The following INTS4 variants were observed in gnomAD, a reference collection of about 807,000 sequenced individuals.
INTS4 encodes MSTP093.
Under a neutral mutation model 119.5 loss-of-function variants are expected in INTS4, and 70 were observed. The ratio of observed to expected loss-of-function variants is 0.59; its 90% confidence interval spans 0.48 to 0.71. The LOEUF is 0.71. Among genes scored for constraint, INTS4 ranks in the 30% least tolerant of loss-of-function variants. The probability of loss-of-function intolerance (pLI) is 0.00; values close to 1 mark genes in which losing one functional copy is unlikely to be tolerated. For missense variants in INTS4, 867 were observed against 1,173.2 expected (o/e 0.74, Z 3.81); for synonymous variants, 316 against 419.6 (o/e 0.75, Z 3.02).
At chr11:77,917,163 T>C in intron 15 of INTS4, among the ~76,000 whole-genome samples, 1 of 152,160 alleles carries the variant, frequency 6.6e-6, no homozygotes, top group African/African-American at 2.4e-5. Context: ...CTAGCTGATC[T>C]GTATCTAGCA....
rs531866727 is a variant in INTS4 at position 77,922,242 on chromosome 11, A to G, written c.1630+114T>C. Reference sequence around the variant, plus strand: ...GACTCTGTCTTCAAAAAAAAAAAAAAAAAAGAAAGAAAAGCAAAGAAAAGA... The same window carrying G: ...GACTCTGTCTTCAAAAAAAAAAAAAGAAAAGAAAGAAAAGCAAAGAAAAGA... On this transcript the variant is annotated intron_variant, in intron 13 of 22. Transcript: ENST00000534064. 1.2e-4 allele frequency: 167 copies of G among 1,401,288 alleles called. No individual in the cohort carries two copies. The African/African-American group carries it at 2.1e-3, about 18-fold the overall frequency. The allele number at this position is 1,401,288 out of a possible 1,614,324, so 86.8% of individuals were successfully genotyped here. A position where few individuals can be genotyped will look rare whatever the true frequency, so the allele number is the denominator to read the frequency against.
intron 8 of INTS4, among the ~76,000 whole-genome samples, chr11:77,946,288 C>T (rs1201951050): frequency 6.6e-6 from 1 of 152,176 alleles, no homozygotes; most frequent in Non-Finnish European, 1.5e-5. Context: ...GAACCAAAGG[C>T]AACACACCAT....
rs531215500 is a variant in INTS4, at chr11:77,897,364, A to T, written c.2229-3015T>A. On this transcript the variant is annotated intron_variant, in intron 18 of 22. Coordinates refer to ENST00000534064, the MANE Select transcript of INTS4 (RefSeq NM_033547.4). ...AAAATAAAAAATATTTTATAAAAAA[A>T]TTAAAAATAAAAATAAAGAAGGATA... is the stretch of plus-strand genomic sequence containing the variant. 1.7e-3 allele frequency among the ~76,000 whole-genome samples: 258 copies of T among 151,556 alleles called. 1 individual carries two copies. In the South Asian group the frequency reaches 0.025, roughly 15 times the overall value.
rs138281288 is a variant in INTS4 at position 77,880,047 on chromosome 11, G to A, written c.2714-920C>T. 4.4e-3 allele frequency among the ~76,000 whole-genome samples: 677 copies of A among 152,284 alleles called. 1 individual carries two copies. Among genetic ancestry groups the A allele is most frequent in the Non-Finnish European group, 7.6e-3 (517 of 68,022 alleles). On this transcript the variant is annotated intron_variant, in intron 22 of 22. Coordinates refer to ENST00000534064, the MANE Select transcript of INTS4 (RefSeq NM_033547.4). ...CAGTTACTCATTCTATTAACCACAA[G>A]CTTCTATAAAGAAGAGGGAGAGAAT...
chr11:77,949,956 T>C (rs963609767), intron 8 of INTS4, among the ~76,000 whole-genome samples: 3 of 152,142 alleles, frequency 2.0e-5, no homozygotes, highest in East Asian at 1.9e-4. Flanking sequence ...AGTAAAGACT[T>C]AGAACCAACC....
At chr11:77,892,668 C>T (rs1198661309) in intron 19 of INTS4, among the ~76,000 whole-genome samples, 18 of 152,050 alleles carry the variant, frequency 1.2e-4, no homozygotes, top group African/African-American at 3.9e-4. Flanking sequence ...CTGGAACCTC[C>T]GCCTCCCGGG....
chr11:77,939,058 A>G (rs1366768532), intron 9 of INTS4, among the ~76,000 whole-genome samples: 1 of 152,210 alleles, frequency 6.6e-6, no homozygotes, highest in Non-Finnish European at 1.5e-5. Context: ...ATAGCTGAAG[A>G]ATGTGTTAAG....
intron 22 of INTS4, among the ~76,000 whole-genome samples, chr11:77,879,652 C>T (rs1186644475): frequency 6.6e-6 from 1 of 152,176 alleles, no homozygotes; most frequent in Non-Finnish European, 1.5e-5. Flanking sequence ...TGTCTGAAAA[C>T]ATCTCATTCT....
At chr11:77,974,238 C>CTTTTTTTTTTTTTTTTTT in intron 4 of INTS4, among the ~76,000 whole-genome samples, 1 of 84,336 alleles carries the variant, frequency 1.2e-5, no homozygotes, top group Non-Finnish European at 2.4e-5. Flanking sequence ...TTTTTCTTTT[C>CTTTTTTTTTTTTTTTTTT]TTTTTTTTTT....
chr11:77,891,219 C>T, intron 21 of INTS4, 100 bp downstream of exon 21: 1 of 1,099,918 alleles, frequency 9.1e-7, no homozygotes, highest in Non-Finnish European at 1.3e-6. Context: ...TCTCCTGTCC[C>T]AGTTTCTGTC....
intron 4 of INTS4, among the ~76,000 whole-genome samples, chr11:77,975,206 TG>T (rs960195394): frequency 8.5e-5 from 13 of 152,236 alleles, no homozygotes; most frequent in African/African-American, 2.4e-4. Flanking sequence ...TCCTTATTCT[TG>T]TTTTTTTTTT....
Position 77,930,113 on chromosome 11 carries a change from C to T in INTS4, c.1166-1566G>A, listed in dbSNP as rs148058278. On this transcript the variant is annotated intron_variant, in intron 10 of 22. Coordinates refer to ENST00000534064, the MANE Select transcript of INTS4 (RefSeq NM_033547.4). ...ATACAAAGATGAGAAATGAGTAAGA[C>T]ACAGAAAATGCTCATAAGACTTCTA... Among the ~76,000 whole-genome samples, 1,156 of 152,252 alleles carry T rather than the reference C, an allele frequency of 7.6e-3. 6 individuals carry two copies. The highest frequency in any genetic ancestry group is 0.012 in the Non-Finnish European group (794 of 68,010).
intron 19 of INTS4, among the ~76,000 whole-genome samples, chr11:77,892,884 CA>C (rs986892302): frequency 6.6e-6 from 1 of 152,142 alleles, no homozygotes. Context: ...TGCCCAGCCT[CA>C]AAACTAGGAT....
chr11:77,963,324 T>C, intron 4 of INTS4: 1 of 348,252 alleles, frequency 2.9e-6, no homozygotes, highest in Non-Finnish European at 5.2e-6. Flanking sequence ...ACTGCTTTTC[T>C]GGCCGGGCGC....
At chr11:77,949,600 A>G (rs1224836493) in intron 8 of INTS4, among the ~76,000 whole-genome samples, 1 of 152,218 alleles carries the variant, frequency 6.6e-6, no homozygotes, top group East Asian at 1.9e-4. Flanking sequence ...TATGTGACCA[A>G]CAAACATATG....
At chr11:77,932,075 C>T (rs1333079955) in intron 10 of INTS4, among the ~76,000 whole-genome samples, 2 of 152,044 alleles carry the variant, frequency 1.3e-5, no homozygotes, top group Non-Finnish European at 2.9e-5. Context: ...GCAATGAAGC[C>T]AAAACTGACA....
intron 21 of INTS4, among the ~76,000 whole-genome samples, chr11:77,889,182 CCAA>C (rs1358775976): frequency 6.6e-6 from 1 of 152,158 alleles, no homozygotes; most frequent in Non-Finnish European, 1.5e-5. Flanking sequence ...ACCCAAATGT[CCAA>C]CAACGATAGA....
chr11:77,914,583 G>C (rs1953163881), intron 15 of INTS4, among the ~76,000 whole-genome samples: 1 of 152,180 alleles, frequency 6.6e-6, no homozygotes, highest in Non-Finnish European at 1.5e-5. Flanking sequence ...AGCAGGGTCA[G>C]CAAATTTTTT....
intron 4 of INTS4, among the ~76,000 whole-genome samples, chr11:77,961,444 C>T (rs1315807420): frequency 1.3e-5 from 2 of 152,034 alleles, no homozygotes; most frequent in East Asian, 1.9e-4. Context: ...TCCCTGATTG[C>T]GTTTTATTTG....
Sources: allele counts gnomAD v4.1 joint callset (sites outside exome capture counted in the v4.1 genomes callset), GRCh38; gene constraint gnomAD v4.1.1; transcripts MANE v1.5; gene names NCBI Gene and HGNC (gene_info 2026-07-23, HGNC 2026-07-21).